Variants in ISM1 observed in about 807,000 individuals in gnomAD.
The protein encoded by ISM1 is isthmin 1, also known as isthmin-1.
A neutral mutation model predicts 46.3 loss-of-function variants in ISM1; 25 were observed. The observed-to-expected ratio is 0.54, with a 90% CI of 0.39 to 0.75. ISM1 has a LOEUF of 0.75. Ranked by LOEUF, ISM1 falls within the 30% of genes least tolerant of loss-of-function variation. ISM1 has a pLI of 0.00. For synonymous variants in ISM1, 255 were observed against 256.7 expected (o/e 0.99, Z 0.06); for missense variants, 536 against 625.4 (o/e 0.86, Z 1.52).
chr20:13,277,312 A>G (rs1486365002), intron 2 of ISM1, among the ~76,000 whole-genome samples: 4 of 152,152 alleles, frequency 2.6e-5, no homozygotes, highest in Non-Finnish European at 5.9e-5. Context: ...TCCTACCCAG[A>G]GACTGATTTC....
intron 4 of ISM1, 74 bp downstream of exon 4, chr20:13,288,757 A>G (rs542246040): frequency 3.7e-5 from 52 of 1,416,032 alleles, no homozygotes; most frequent in Non-Finnish European, 4.8e-5. Flanking sequence ...ACTTAGTGAC[A>G]TTGTCTTTTT....
intron 1 of ISM1, among the ~76,000 whole-genome samples, chr20:13,236,050 G>A (rs2039645356): frequency 6.6e-6 from 1 of 151,862 alleles, no homozygotes; most frequent in Non-Finnish European, 1.5e-5. Context: ...TCAGCCTCCT[G>A]AGTAGCTGGG....
At chr20:13,296,150 G>A (rs2123330520) in intron 5 of ISM1, among the ~76,000 whole-genome samples, 1 of 152,254 alleles carries the variant, frequency 6.6e-6, no homozygotes, top group South Asian at 2.1e-4. Flanking sequence ...TGGGGCAGAT[G>A]ACCCACCCAC....
chr20:13,310,334 CT>C, the ISM1 span, among the ~76,000 whole-genome samples: 68 of 152,234 alleles, frequency 4.5e-4, 1 homozygote, highest in African/African-American at 1.6e-3. Context: ...AAAGGGTGGT[CT>C]CTTCAATAAA....
At chr20:13,255,077 T>G (rs2039911918) in intron 1 of ISM1, among the ~76,000 whole-genome samples, 1 of 152,164 alleles carries the variant, frequency 6.6e-6, no homozygotes, top group Non-Finnish European at 1.5e-5. Context: ...TAGAATAATT[T>G]CAGCTAACAA....
At chr20:13,305,214 A>G (rs1363841823), downstream of ISM1, among the ~76,000 whole-genome samples, 4 of 152,036 alleles carry the variant, frequency 2.6e-5, no homozygotes, top group Non-Finnish European at 5.9e-5. Flanking sequence ...AAAAAAAAAA[A>G]AAAAACCCTT....
At chr20:13,288,498 C>G (rs887936902) in intron 3 of ISM1, 42 bp from the exon 4 acceptor site, 13 of 1,601,942 alleles carry the variant, frequency 8.1e-6, no homozygotes, top group African/African-American at 1.3e-5. Context: ...TTGGGAGACT[C>G]TTTGGCCAAA....
chr20:13,307,314 A>G, the ISM1 span, among the ~76,000 whole-genome samples: 1 of 152,184 alleles, frequency 6.6e-6, no homozygotes, highest in Admixed American at 6.5e-5. Flanking sequence ...TACATTCAGA[A>G]AAGCACACAC....
chr20:13,230,365 T>A (rs1203730292), intron 1 of ISM1, among the ~76,000 whole-genome samples: 1 of 152,208 alleles, frequency 6.6e-6, no homozygotes, highest in Non-Finnish European at 1.5e-5. Context: ...CCTGTAGAAC[T>A]TGAAGATTAT....
chr20:13,231,281 A>G (rs988733401), intron 1 of ISM1, among the ~76,000 whole-genome samples: 2 of 152,216 alleles, frequency 1.3e-5, no homozygotes, highest in Non-Finnish European at 2.9e-5. Context: ...CCTCAGAGAG[A>G]TGTGCTGCAG....
At chr20:13,237,717 T>C (rs2039668359) in intron 1 of ISM1, 1 of 152,188 alleles carries the variant, frequency 6.6e-6, no homozygotes. Flanking sequence ...ACTTCAATTT[T>C]AATAAAAGAG....
At chr20:13,310,804 A>G in the ISM1 span, among the ~76,000 whole-genome samples, 1 of 152,234 alleles carries the variant, frequency 6.6e-6, no homozygotes, top group South Asian at 2.1e-4. Context: ...GCCAATGGAT[A>G]TATGTAAAGT....
At chr20:13,243,882 C>T (rs1310801006) in intron 1 of ISM1, among the ~76,000 whole-genome samples, 1 of 152,116 alleles carries the variant, frequency 6.6e-6, no homozygotes, top group African/African-American at 2.4e-5. Flanking sequence ...GCACAGTTTT[C>T]CTGAAATAGA....
At chr20:13,233,433 T>G (rs1198208661) in intron 1 of ISM1, among the ~76,000 whole-genome samples, 1 of 151,946 alleles carries the variant, frequency 6.6e-6, no homozygotes, top group Non-Finnish European at 1.5e-5. Flanking sequence ...CCATCTCTAC[T>G]GACAATACAA....
chr20:13,245,283 G>A (rs972092985), intron 1 of ISM1: 2 of 152,190 alleles, frequency 1.3e-5, no homozygotes, highest in African/African-American at 4.8e-5. Flanking sequence ...CTACAGTAAA[G>A]GTAGCCCTCA....
At chr20:13,272,769 C>T (rs2040130363) in intron 2 of ISM1, among the ~76,000 whole-genome samples, 1 of 152,206 alleles carries the variant, frequency 6.6e-6, no homozygotes, top group Admixed American at 6.5e-5. Context: ...GGAATAGGTG[C>T]AGATTGGCAA....
chr20:13,265,703 G>A (rs1304076606), intron 1 of ISM1, among the ~76,000 whole-genome samples: 1 of 152,084 alleles, frequency 6.6e-6, no homozygotes, highest in Non-Finnish European at 1.5e-5. Flanking sequence ...AGTAATGGCG[G>A]TTTTTGCCAT....
intron 4 of ISM1, among the ~76,000 whole-genome samples, chr20:13,290,865 A>G (rs1183557981): frequency 6.6e-6 from 1 of 152,270 alleles, no homozygotes; most frequent in Non-Finnish European, 1.5e-5. Context: ...ACTGAGGCAT[A>G]GAGGATTAAC....
At chr20:13,261,410 A>T (rs1568675296) in intron 1 of ISM1, among the ~76,000 whole-genome samples, 1 of 150,792 alleles carries the variant, frequency 6.6e-6, no homozygotes, top group African/African-American at 2.4e-5. Flanking sequence ...AAGAGGGAAG[A>T]GTGAAACTCT....
Sources: gnomAD v4.1 joint callset for allele counts (sites outside exome capture counted in the v4.1 genomes callset) on GRCh38, gnomAD v4.1.1 for gene constraint, MANE v1.5 for transcripts, NCBI Gene and HGNC (gene_info 2026-07-23, HGNC 2026-07-21) for gene names.